The following SDK1 variants were observed in gnomAD, a reference collection of about 807,000 sequenced individuals.
The protein encoded by SDK1 is sidekick cell adhesion molecule 1.
Under a neutral mutation model 245.5 loss-of-function variants are expected in SDK1, and 157 were observed. The ratio of observed to expected loss-of-function variants is 0.64; its 90% CI spans 0.56 to 0.73. SDK1 has a LOEUF of 0.73. Ranked by LOEUF, SDK1 falls within the 30% of genes least tolerant of loss-of-function variation. The probability of loss-of-function intolerance (pLI) is 0.00; values close to 1 mark genes in which losing one functional copy is unlikely to be tolerated. For synonymous variants in SDK1, 1,647 were observed against 1,278.5 expected (o/e 1.29, Z -6.15); for missense variants, 3,583 against 3,002.3 (o/e 1.19, Z -4.52).
At chr7:4,206,525 C>T (rs897044465) in intron 36 of SDK1, among the ~76,000 whole-genome samples, 8 of 152,164 alleles carry the variant, frequency 5.3e-5, no homozygotes, top group Non-Finnish European at 7.3e-5. Flanking sequence ...CTTTGAGAAC[C>T]GCCACGGTAA....
intron 1 of SDK1, among the ~76,000 whole-genome samples, chr7:3,365,503 T>A (rs1267670646): frequency 6.6e-6 from 1 of 152,184 alleles, no homozygotes; most frequent in African/African-American, 2.4e-5. Flanking sequence ...CTTAACTTAT[T>A]TCATTATATA....
chr7:3,937,759 C>G (rs1449939899), intron 5 of SDK1, among the ~76,000 whole-genome samples: 1 of 152,348 alleles, frequency 6.6e-6, no homozygotes, highest in East Asian at 1.9e-4. Flanking sequence ...TGTTAATAGC[C>G]TCAGATGGGC....
intron 5 of SDK1, among the ~76,000 whole-genome samples, chr7:3,876,128 C>T (rs902090661): frequency 1.8e-4 from 28 of 152,330 alleles, no homozygotes; most frequent in African/African-American, 6.5e-4. Context: ...TGCTGTTTCC[C>T]TCCAAATTGC....
chr7:3,883,554 G>A (rs1030302132), intron 5 of SDK1, among the ~76,000 whole-genome samples: 1 of 152,146 alleles, frequency 6.6e-6, no homozygotes, highest in Non-Finnish European at 1.5e-5. Context: ...GGGCACATGG[G>A]GACCAACAGA....
chr7:3,527,018 A>G (rs1301745813), intron 1 of SDK1, among the ~76,000 whole-genome samples: 4 of 152,294 alleles, frequency 2.6e-5, no homozygotes, highest in Middle Eastern at 3.4e-3. Flanking sequence ...TATAAGTTCT[A>G]TTATTAATGA....
At chr7:3,403,180 C>A (rs751149246) in intron 1 of SDK1, among the ~76,000 whole-genome samples, 3 of 152,050 alleles carry the variant, frequency 2.0e-5, no homozygotes, top group Non-Finnish European at 2.9e-5. Context: ...GTGATCTGCC[C>A]GCCTTAGCCT....
At chr7:3,470,828 T>C (rs987769027) in intron 1 of SDK1, among the ~76,000 whole-genome samples, 1 of 152,190 alleles carries the variant, frequency 6.6e-6, no homozygotes, top group South Asian at 2.1e-4. Flanking sequence ...GAAGCAAATA[T>C]CATATAAATG....
chr7:4,111,943 C>A (rs1355084342), intron 23 of SDK1, among the ~76,000 whole-genome samples: 3 of 152,150 alleles, frequency 2.0e-5, no homozygotes, highest in East Asian at 3.9e-4. Context: ...AAACGGAGAT[C>A]ATCTGATTTG....
At chr7:3,778,554 A>G (rs1203153361) in intron 4 of SDK1, among the ~76,000 whole-genome samples, 1 of 152,212 alleles carries the variant, frequency 6.6e-6, no homozygotes, top group Non-Finnish European at 1.5e-5. Flanking sequence ...CTGCCTGCAC[A>G]CATCTATATT....
At chr7:3,728,194 T>G (rs1394775991) in intron 4 of SDK1, among the ~76,000 whole-genome samples, 1 of 152,244 alleles carries the variant, frequency 6.6e-6, no homozygotes, top group Non-Finnish European at 1.5e-5. Context: ...TGATCACCGC[T>G]GAGGTAGTAC....
At chr7:3,996,297 CA>C (rs1309566819) in intron 14 of SDK1, among the ~76,000 whole-genome samples, 2 of 152,120 alleles carry the variant, frequency 1.3e-5, no homozygotes, top group Non-Finnish European at 2.9e-5. Flanking sequence ...GCTTTACTTC[CA>C]AAAGGTGTTT....
chr7:4,031,691 A>G (rs1259272925), intron 17 of SDK1, among the ~76,000 whole-genome samples: 2 of 152,168 alleles, frequency 1.3e-5, no homozygotes, highest in East Asian at 1.9e-4. Context: ...ATGTAGCTAT[A>G]TGACAGAAGT....
At chr7:3,405,848 T>C (rs1435404871) in intron 1 of SDK1, among the ~76,000 whole-genome samples, 23 of 150,824 alleles carry the variant, frequency 1.5e-4, no homozygotes, top group Non-Finnish European at 2.8e-4. Context: ...AGTCTTGCTT[T>C]GTCGCCCAGG....
chr7:4,200,053 C>A (rs982264506), intron 35 of SDK1, among the ~76,000 whole-genome samples: 1 of 152,154 alleles, frequency 6.6e-6, no homozygotes, highest in African/African-American at 2.4e-5. Context: ...CGAGACTGTG[C>A]CATTGCACTT....
chr7:3,948,456 G>C (rs1780664643), intron 5 of SDK1, among the ~76,000 whole-genome samples: 2 of 152,000 alleles, frequency 1.3e-5, no homozygotes, highest in African/African-American at 4.8e-5. Context: ...TAGAGATGGG[G>C]TTTCACCGTG....
intron 4 of SDK1, among the ~76,000 whole-genome samples, chr7:3,754,833 C>T (rs1779875079): frequency 6.6e-6 from 1 of 152,172 alleles, no homozygotes. Context: ...TAGGGGAATA[C>T]AAGAAGTTCA....
intron 22 of SDK1, among the ~76,000 whole-genome samples, chr7:4,084,920 G>A (rs1280837022): frequency 1.3e-5 from 2 of 151,804 alleles, no homozygotes; most frequent in Admixed American, 6.6e-5. Flanking sequence ...CCGCCACCAC[G>A]CCCAGCTAAT....
chr7:3,333,770 G>A (rs1780129322), intron 1 of SDK1, among the ~76,000 whole-genome samples: 1 of 152,200 alleles, frequency 6.6e-6, no homozygotes, highest in Admixed American at 6.5e-5. Context: ...CCTACTTTAA[G>A]CAGAAAGCAG....
intron 1 of SDK1, among the ~76,000 whole-genome samples, chr7:3,488,255 C>G (rs1235529229): frequency 6.6e-6 from 1 of 152,136 alleles, no homozygotes. Flanking sequence ...AATTATAAAT[C>G]TGGGTTTATT....
Sources: gnomAD v4.1 joint callset for allele counts (sites outside exome capture counted in the v4.1 genomes callset) on GRCh38, gnomAD v4.1.1 for gene constraint, MANE v1.5 for transcripts, NCBI Gene and HGNC (gene_info 2026-07-23, HGNC 2026-07-21) for gene names.